The following RASAL2 variants were observed in gnomAD, a reference collection of about 807,000 sequenced individuals.
RASAL2 encodes ras GTPase-activating protein nGAP.
A neutral mutation model predicts 128.9 loss-of-function variants in RASAL2; 58 were observed. That is an observed-to-expected ratio of 0.45 (90% CI 0.36 to 0.56). The LOEUF is 0.56. Among genes scored for constraint, RASAL2 ranks in the 20% least tolerant of loss-of-function variants. The probability of loss-of-function intolerance (pLI) is 0.00; values close to 1 mark genes in which losing one functional copy is unlikely to be tolerated. For synonymous variants in RASAL2, 561 were observed against 580.8 expected, an observed-to-expected ratio of 0.97 and a Z score of 0.49; for missense variants, 1,360 against 1,601.6, an observed-to-expected ratio of 0.85 and a Z score of 2.57.
At chr1:178,151,212 C>T (rs1370569458) in intron 1 of RASAL2, among the ~76,000 whole-genome samples, 2 of 152,084 alleles carry the variant, frequency 1.3e-5, no homozygotes, top group African/African-American at 4.8e-5. Flanking sequence ...TTGAGAACAA[C>T]CTGGCCAACA....
chr1:178,332,185 C>G (rs1004206831), intron 3 of RASAL2, among the ~76,000 whole-genome samples: 1 of 151,982 alleles, frequency 6.6e-6, no homozygotes, highest in African/African-American at 2.4e-5. Flanking sequence ...CTAATTCAAG[C>G]CTAGATTTTC....
chr1:178,411,857 C>A, intron 4 of RASAL2: 1 of 743,976 alleles, frequency 1.3e-6, no homozygotes. Flanking sequence ...CTCTGGGCCA[C>A]AGGAGGAAAT....
chr1:178,448,077 G>A (rs1220160559), intron 9 of RASAL2, among the ~76,000 whole-genome samples: 1 of 152,132 alleles, frequency 6.6e-6, no homozygotes, highest in Non-Finnish European at 1.5e-5. Context: ...GTTAAATGAA[G>A]CTGTAAGATT....
intron 1 of RASAL2, among the ~76,000 whole-genome samples, chr1:178,096,523 G>GT (rs1449358597): frequency 6.6e-6 from 1 of 151,100 alleles, no homozygotes; most frequent in Non-Finnish European, 1.5e-5. Flanking sequence ...TTTACATTAT[G>GT]TTTTTTTTCT....
intron 16 of RASAL2, among the ~76,000 whole-genome samples, chr1:178,466,563 G>A (rs73037559): frequency 0.069 from 10,435 of 152,218 alleles, 1,156 homozygotes; most frequent in African/African-American, 0.23. Flanking sequence ...CACTTGTATA[G>A]CACTCGACAT....
chr1:178,451,804 AT>A, intron 10 of RASAL2, 89 bp downstream of exon 10: 1 of 1,446,942 alleles, frequency 6.9e-7, no homozygotes, highest in Non-Finnish European at 9.3e-7. Context: ...AGTCATCACA[AT>A]GTTAACAATT....
chr1:178,464,371 G>A lies in RASAL2; in HGVS notation c.3346G>A (p.Glu1116Lys). The change falls in exon 15 of 18, where the codon GAA (glutamate) becomes AAA (lysine). Residue 1116 changes from glutamate (E) to lysine (K), a missense_variant. By Grantham distance (56) the Glu-to-Lys change is moderately conservative (BLOSUM62 1). Coordinates refer to ENST00000367649, the MANE Select transcript of RASAL2 (RefSeq NM_170692.4). ...NNGQYEEDVE[E>K]TEQNLDEAKH... Reference sequence around the variant, plus strand: ...TGGGCAGTATGAAGAGGATGTGGAAGAAACTGAGCAAAATCTAGATGAAGC... The same window carrying A: ...TGGGCAGTATGAAGAGGATGTGGAAAAAACTGAGCAAAATCTAGATGAAGC... 6.2e-7 allele frequency: 1 copy of A among 1,613,824 alleles called. No homozygotes were observed. The highest frequency in any genetic ancestry group is 1.3e-5 in the African/African-American group (1 of 75,042).
chr1:178,273,446 G>A (rs1009513194), intron 1 of RASAL2, among the ~76,000 whole-genome samples: 1 of 152,130 alleles, frequency 6.6e-6, no homozygotes, highest in Admixed American at 6.5e-5. Context: ...GTACAGGTTT[G>A]TAGTGTCGAA....
chr1:178,379,110 C>A (rs1025754377), intron 3 of RASAL2, among the ~76,000 whole-genome samples: 1 of 151,914 alleles, frequency 6.6e-6, no homozygotes, highest in Non-Finnish European at 1.5e-5. Flanking sequence ...ATAAAAAAGA[C>A]CTTTTTGATA....
At chr1:178,294,035 A>C (rs536104761) in intron 2 of RASAL2, among the ~76,000 whole-genome samples, 2 of 152,328 alleles carry the variant, frequency 1.3e-5, no homozygotes, top group South Asian at 4.1e-4. Flanking sequence ...ACAATAGGGA[A>C]TGTATTAAAG....
At chr1:178,393,504 C>T (rs1472330967) in intron 4 of RASAL2, among the ~76,000 whole-genome samples, 2 of 152,126 alleles carry the variant, frequency 1.3e-5, no homozygotes, top group Admixed American at 6.5e-5. Flanking sequence ...GGCTGCAAGT[C>T]GATGGGGAGC....
chr1:178,293,625 A>G (rs112144597), intron 2 of RASAL2, among the ~76,000 whole-genome samples: 1 of 152,318 alleles, frequency 6.6e-6, no homozygotes, highest in African/African-American at 2.4e-5. Flanking sequence ...AAAAAGTCAT[A>G]TACTTACCAG....
chr1:178,370,909 A>G (rs1172994085), intron 3 of RASAL2, among the ~76,000 whole-genome samples: 1 of 152,132 alleles, frequency 6.6e-6, no homozygotes, highest in Admixed American at 6.5e-5. Context: ...ACTCTTAATC[A>G]ATGAGAATCT....
intron 1 of RASAL2, among the ~76,000 whole-genome samples, chr1:178,214,803 C>T (rs1230164436): frequency 6.6e-6 from 1 of 152,046 alleles, no homozygotes; most frequent in Non-Finnish European, 1.5e-5. Flanking sequence ...CGTGATCTGC[C>T]CGCCTCGGCC....
chr1:178,321,653 A>G (rs1024931640), intron 3 of RASAL2, among the ~76,000 whole-genome samples: 5 of 152,020 alleles, frequency 3.3e-5, no homozygotes, highest in African/African-American at 1.2e-4. Flanking sequence ...AGCTGGGACT[A>G]CAGGCATGTG....
At chr1:178,355,327 G>C (rs12354284) in intron 3 of RASAL2, among the ~76,000 whole-genome samples, 2,665 of 152,252 alleles carry the variant, frequency 0.018, 79 homozygotes, top group African/African-American at 0.062. Flanking sequence ...ACAGACCTGT[G>C]CATATATGTA....
intron 1 of RASAL2, among the ~76,000 whole-genome samples, chr1:178,210,029 C>T (rs1041155566): frequency 6.6e-6 from 1 of 151,882 alleles, no homozygotes; most frequent in Non-Finnish European, 1.5e-5. Flanking sequence ...TTTGGTAGTT[C>T]AATTTAACAT....
At chr1:178,164,288 C>T (rs1041945521) in intron 1 of RASAL2, among the ~76,000 whole-genome samples, 2 of 152,110 alleles carry the variant, frequency 1.3e-5, no homozygotes, top group African/African-American at 4.8e-5. Flanking sequence ...TTTCTGAGTT[C>T]AGGACTCCAA....
At chr1:178,441,164 A>G (rs1378766612) in intron 6 of RASAL2, among the ~76,000 whole-genome samples, 1 of 151,174 alleles carries the variant, frequency 6.6e-6, no homozygotes, top group Non-Finnish European at 1.5e-5. Context: ...AAACTAGCAA[A>G]GATCATCTTA....
Sources: allele counts gnomAD v4.1 joint callset (sites outside exome capture counted in the v4.1 genomes callset), GRCh38; gene constraint gnomAD v4.1.1; transcripts MANE v1.5; gene names NCBI Gene and HGNC (gene_info 2026-07-23, HGNC 2026-07-21).